Variants in DRC11 observed in about 807,000 individuals in gnomAD.
DRC11 encodes the protein IQ and AAA domain-containing protein 1.
the DRC11 span, among the ~76,000 whole-genome samples, chr2:236,400,602 T>TTTGG: frequency 2.0e-5 from 3 of 152,212 alleles, no homozygotes; most frequent in African/African-American, 7.2e-5. The surrounding 1 kb of genome is among the most constrained non-coding windows in gnomAD (Gnocchi z 7.9). Context: ...CTGGCCTCCA[T>TTTGG]TTGGTCCTCG....
At chr2:236,393,624 C>CT in the DRC11 span, among the ~76,000 whole-genome samples, 1 of 152,164 alleles carries the variant, frequency 6.6e-6, no homozygotes, top group Non-Finnish European at 1.5e-5. The surrounding 1 kb of genome is among the most constrained non-coding windows in gnomAD (Gnocchi z 4.7). Flanking sequence ...GAACAAACCA[C>CT]AGAGGACCAG....
chr2:236,482,090 CTATGTATAATTCTACATATTA>C, the DRC11 span, among the ~76,000 whole-genome samples: 3 of 94,482 alleles, frequency 3.2e-5, no homozygotes, highest in African/African-American at 1.0e-4. This position sits in a 1 kb window ranked among gnomAD's most constrained non-coding sequence, Gnocchi z 4.5. Flanking sequence ...ATGTATAATT[CTATGTATAATTCTACATATTA>C]TATGTATAAT....
the DRC11 span, among the ~76,000 whole-genome samples, chr2:236,357,434 A>T: frequency 4.7e-5 from 6 of 126,520 alleles, no homozygotes; most frequent in Admixed American, 8.5e-5. Context: ...TTTACATAGT[A>T]TATGTATATT....
the DRC11 span, among the ~76,000 whole-genome samples, chr2:236,342,012 T>C: frequency 2.0e-5 from 3 of 152,182 alleles, no homozygotes; most frequent in Admixed American, 2.0e-4. This position sits in a 1 kb window ranked among gnomAD's most constrained non-coding sequence, Gnocchi z 5.8. Flanking sequence ...GAAGTTTGGC[T>C]TCCATGCTCG....
the DRC11 span, among the ~76,000 whole-genome samples, chr2:236,357,293 T>C: frequency 8.4e-6 from 1 of 119,240 alleles, no homozygotes; most frequent in East Asian, 2.4e-4. Context: ...TATTTATATA[T>C]TATATATTCA....
the DRC11 span, chr2:236,465,557 C>G: frequency 3.1e-6 from 5 of 1,613,976 alleles, no homozygotes; most frequent in Non-Finnish European, 4.2e-6. This position sits in a 1 kb window ranked among gnomAD's most constrained non-coding sequence, Gnocchi z 6.2. Context: ...TCCTTGATAT[C>G]CACGCCTTCT....
the DRC11 span, among the ~76,000 whole-genome samples, chr2:236,387,987 G>GC: frequency 2.2e-4 from 33 of 152,150 alleles, no homozygotes; most frequent in African/African-American, 6.7e-4. Flanking sequence ...TTGAATATTG[G>GC]CCCCCACTCT....
the DRC11 span, among the ~76,000 whole-genome samples, chr2:236,505,029 C>T: frequency 6.6e-6 from 1 of 152,162 alleles, no homozygotes; most frequent in Admixed American, 6.5e-5. Context: ...TGAAAGTGTT[C>T]CTGGAATTTT....
At chr2:236,404,976 G>T in the DRC11 span, among the ~76,000 whole-genome samples, 3 of 152,114 alleles carry the variant, frequency 2.0e-5, no homozygotes, top group Non-Finnish European at 4.4e-5. Flanking sequence ...CAGCTCTCTG[G>T]GGTCTCTTTC....
At chr2:236,327,160 T>C in the DRC11 span, among the ~76,000 whole-genome samples, 1 of 152,224 alleles carries the variant, frequency 6.6e-6, no homozygotes, top group Non-Finnish European at 1.5e-5. Context: ...ATGTTTTTGA[T>C]TGATGCTTCC....
At chr2:236,450,314 CTTTTT>C in the DRC11 span, among the ~76,000 whole-genome samples, 1 of 82,372 alleles carries the variant, frequency 1.2e-5, no homozygotes, top group East Asian at 3.1e-4. Flanking sequence ...CTTTTCTTTT[CTTTTT>C]TTTTTTTTTT....
At chr2:236,371,549 A>G in the DRC11 span, among the ~76,000 whole-genome samples, 1 of 152,136 alleles carries the variant, frequency 6.6e-6, no homozygotes, top group East Asian at 1.9e-4. This position sits in a 1 kb window ranked among gnomAD's most constrained non-coding sequence, Gnocchi z 5.1. Flanking sequence ...GAAGTCTGCA[A>G]TGCCGTGTTG....
chr2:236,437,064 T>C, the DRC11 span, among the ~76,000 whole-genome samples: 1 of 149,124 alleles, frequency 6.7e-6, no homozygotes, highest in Non-Finnish European at 1.5e-5. Context: ...TAGCATTAGG[T>C]ATATCTCCCA....
the DRC11 span, among the ~76,000 whole-genome samples, chr2:236,486,528 G>C: frequency 3.3e-5 from 5 of 150,528 alleles, no homozygotes; most frequent in African/African-American, 9.8e-5. The surrounding 1 kb of genome is among the most constrained non-coding windows in gnomAD (Gnocchi z 5.7). Context: ...TGTTGTGACC[G>C]CCCATCCTAA....
chr2:236,416,729 A>ATATATATATATATATATTTT, the DRC11 span, among the ~76,000 whole-genome samples: 87 of 35,216 alleles, frequency 2.5e-3, no homozygotes, highest in Middle Eastern at 0.017. Flanking sequence ...ATTTATATAT[A>ATATATATATATATATATTTT]TATATATATA....
chr2:236,460,880 G>A, the DRC11 span, among the ~76,000 whole-genome samples: 3 of 151,986 alleles, frequency 2.0e-5, no homozygotes, highest in Non-Finnish European at 4.4e-5. This position sits in a 1 kb window ranked among gnomAD's most constrained non-coding sequence, Gnocchi z 4.0. Context: ...TCAACCTCCC[G>A]AGTAGCTGGG....
At chr2:236,325,698 A>T in the DRC11 span, among the ~76,000 whole-genome samples, 1 of 150,874 alleles carries the variant, frequency 6.6e-6, no homozygotes, top group African/African-American at 2.4e-5. The surrounding 1 kb of genome is among the most constrained non-coding windows in gnomAD (Gnocchi z 4.4). Flanking sequence ...TACCTCCTGG[A>T]TTCAAGCAAT....
the DRC11 span, among the ~76,000 whole-genome samples, chr2:236,356,392 C>T: frequency 6.6e-6 from 1 of 152,162 alleles, no homozygotes; most frequent in Non-Finnish European, 1.5e-5. Context: ...TCCCAGCAGA[C>T]CCGCTGGCCC....
At chr2:236,314,490 G>A in the DRC11 span, among the ~76,000 whole-genome samples, 1 of 152,066 alleles carries the variant, frequency 6.6e-6, no homozygotes, top group Non-Finnish European at 1.5e-5. The surrounding 1 kb of genome is among the most constrained non-coding windows in gnomAD (Gnocchi z 4.5). Context: ...GAAACAAAAA[G>A]CTATGAGAAT....
Sources: gnomAD v4.1 joint callset for allele counts (sites outside exome capture counted in the v4.1 genomes callset) on GRCh38, gnomAD v4.1.1 for gene constraint, Gnocchi (gnomAD v3.1) non-coding constraint, MANE v1.5 for transcripts, NCBI Gene and HGNC (gene_info 2026-07-23, HGNC 2026-07-21) for gene names.